The following KCNH8 variants were observed in gnomAD, a reference collection of about 807,000 sequenced individuals.
KCNH8 encodes potassium voltage-gated channel subfamily H member 8.
A neutral mutation model predicts 103.6 loss-of-function variants in KCNH8; 70 were observed. The observed-to-expected ratio is 0.68, with a 90% CI of 0.56 to 0.82. The LOEUF (loss-of-function observed/expected upper bound fraction) is 0.82. Among genes scored for constraint, KCNH8 ranks in the 40% least tolerant of loss-of-function variants. The pLI is 0.00. For missense variants in KCNH8, 1,217 were observed against 1,329.9 expected, an observed-to-expected ratio of 0.92 and a Z score of 1.32; for synonymous variants, 498 against 489.4, an observed-to-expected ratio of 1.02 and a Z score of -0.23.
intron 1 of KCNH8, among the ~76,000 whole-genome samples, chr3:19,184,777 C>T (rs971229554): frequency 1.3e-5 from 2 of 151,748 alleles, no homozygotes; most frequent in East Asian, 3.9e-4. Context: ...AAATGCAAAT[C>T]TTGAAATAAA....
At chr3:19,350,842 C>T (rs1264958757) in intron 5 of KCNH8, among the ~76,000 whole-genome samples, 1 of 152,108 alleles carries the variant, frequency 6.6e-6, no homozygotes, top group Non-Finnish European at 1.5e-5. Context: ...AAGGAACGCA[C>T]CTCCTTGCCA....
At chr3:19,241,086 T>C (rs973741847) in intron 1 of KCNH8, among the ~76,000 whole-genome samples, 2 of 152,224 alleles carry the variant, frequency 1.3e-5, no homozygotes, top group Admixed American at 1.3e-4. Flanking sequence ...ATACCTCTGC[T>C]GTATCTTAAT....
intron 7 of KCNH8, among the ~76,000 whole-genome samples, chr3:19,433,490 C>T (rs531094302): frequency 3.9e-5 from 6 of 152,222 alleles, no homozygotes; most frequent in South Asian, 4.1e-4. Flanking sequence ...GATGTGAAAG[C>T]GAACCTAGAG....
Position 19,534,154 on chromosome 3 carries a change from T to A in KCNH8, c.*55T>A. ...TCAAACCTACCACTGCATGACAGTT[T>A]TAGTTTGCCTTTTTGCCTCTGGTGG... On this transcript the variant is annotated 3_prime_UTR_variant, in exon 16 of 16. Coordinates refer to ENST00000328405, the MANE Select transcript of KCNH8 (RefSeq NM_144633.3). 1 of 1,369,604 alleles carries A rather than the reference T, an allele frequency of 7.3e-7. No individual in the cohort carries two copies. The highest frequency in any genetic ancestry group is 1.0e-6 in the Non-Finnish European group (1 of 988,056). The allele number at this position is 1,369,604 out of a possible 1,614,324, so 84.8% of individuals were successfully genotyped here. A position where few individuals can be genotyped will look rare whatever the true frequency, so the allele number is the denominator to read the frequency against.
At chr3:19,490,462 G>A (rs902114819) in intron 11 of KCNH8, among the ~76,000 whole-genome samples, 3 of 152,278 alleles carry the variant, frequency 2.0e-5, no homozygotes, top group African/African-American at 2.4e-5. Context: ...GCACCTGCAC[G>A]GGTAATCAGA....
intron 1 of KCNH8, among the ~76,000 whole-genome samples, chr3:19,192,235 A>G (rs1178359000): frequency 6.6e-6 from 1 of 151,548 alleles, no homozygotes; most frequent in African/African-American, 2.4e-5. Context: ...TTTGTCTCAT[A>G]TTTCTGGCAC....
chr3:19,150,394 C>G (rs2063117604), intron 1 of KCNH8, among the ~76,000 whole-genome samples: 1 of 151,794 alleles, frequency 6.6e-6, no homozygotes, highest in Non-Finnish European at 1.5e-5. Context: ...AGGCTGTAAA[C>G]ATTGATCCTG....
intron 7 of KCNH8, among the ~76,000 whole-genome samples, 170 bp downstream of exon 7, chr3:19,395,481 G>T (rs1186912725): frequency 6.6e-6 from 1 of 151,682 alleles, no homozygotes; most frequent in Non-Finnish European, 1.5e-5. Context: ...TTTCAATAAG[G>T]TTTTCTGGAA....
At chr3:19,411,460 C>T (rs1390363385) in intron 7 of KCNH8, among the ~76,000 whole-genome samples, 2 of 151,958 alleles carry the variant, frequency 1.3e-5, no homozygotes, top group Non-Finnish European at 2.9e-5. Flanking sequence ...TAGAAAAAGA[C>T]AAGGATAGCT....
chr3:19,392,221 TA>T (rs1286754864), intron 6 of KCNH8, among the ~76,000 whole-genome samples: 1 of 150,420 alleles, frequency 6.6e-6, no homozygotes, highest in Non-Finnish European at 1.5e-5. Flanking sequence ...TAAATATTTA[TA>T]TACTTTCACT....
At chr3:19,326,363 A>T (rs1323625749) in intron 3 of KCNH8, among the ~76,000 whole-genome samples, 1 of 142,124 alleles carries the variant, frequency 7.0e-6, no homozygotes, top group Non-Finnish European at 1.5e-5. Context: ...TTAAATATAT[A>T]TATATATATA....
chr3:19,360,369 G>C (rs778461634), intron 5 of KCNH8, among the ~76,000 whole-genome samples: 1 of 152,090 alleles, frequency 6.6e-6, no homozygotes, highest in African/African-American at 2.4e-5. Context: ...AAAGAATATA[G>C]AGCAGGGATT....
At chr3:19,473,066 G>C (rs1399951850) in intron 11 of KCNH8, among the ~76,000 whole-genome samples, 3 of 152,096 alleles carry the variant, frequency 2.0e-5, no homozygotes, top group Admixed American at 2.0e-4. Context: ...GAATATCCAA[G>C]TAGTTTACTG....
intron 5 of KCNH8, among the ~76,000 whole-genome samples, chr3:19,348,935 GC>G (rs1218173462): frequency 2.6e-5 from 4 of 152,086 alleles, no homozygotes; most frequent in African/African-American, 9.6e-5. Context: ...TCTCAGTGAA[GC>G]TGTTAAATCT....
intron 1 of KCNH8, among the ~76,000 whole-genome samples, chr3:19,151,287 A>C (rs1292679806): frequency 6.6e-6 from 1 of 152,154 alleles, no homozygotes; most frequent in Non-Finnish European, 1.5e-5. Flanking sequence ...ACTATTTACA[A>C]ATTTTAAATT....
chr3:19,494,124 G>C (rs1005566445), intron 11 of KCNH8, among the ~76,000 whole-genome samples: 2 of 152,210 alleles, frequency 1.3e-5, no homozygotes, highest in African/African-American at 2.4e-5. Context: ...AGTTTGCTTA[G>C]GATAATTGCC....
intron 7 of KCNH8, among the ~76,000 whole-genome samples, chr3:19,421,439 G>C (rs9310596): frequency 1.3e-5 from 2 of 151,890 alleles, no homozygotes; most frequent in African/African-American, 4.8e-5. Flanking sequence ...ATGACTGTTA[G>C]GTAAAGGGTA....
chr3:19,422,138 G>C (rs17512220), intron 7 of KCNH8, among the ~76,000 whole-genome samples: 34,056 of 151,914 alleles, frequency 0.22, 4,205 homozygotes, highest in Middle Eastern at 0.32. Context: ...CACCTCAGTG[G>C]AACAAATAAG....
intron 7 of KCNH8, among the ~76,000 whole-genome samples, chr3:19,431,944 C>A (rs1320183043): frequency 3.3e-5 from 5 of 151,984 alleles, no homozygotes; most frequent in African/African-American, 1.2e-4. Context: ...TTTCAAAAAA[C>A]CAGCTCTGGG....
Sources: gnomAD v4.1 joint callset for allele counts (sites outside exome capture counted in the v4.1 genomes callset) on GRCh38, gnomAD v4.1.1 for gene constraint, MANE v1.5 for transcripts, NCBI Gene and HGNC (gene_info 2026-07-23, HGNC 2026-07-21) for gene names.